The following SV2B variants were observed in gnomAD, a reference collection of about 807,000 sequenced individuals.
SV2B encodes the protein solute carrier family 22 member B2.
In SV2B, 41 loss-of-function variants were observed where a neutral mutation model predicts 73.9. The ratio of observed to expected loss-of-function variants is 0.56; its 90% CI spans 0.43 to 0.72. The LOEUF is 0.72. Ranked by LOEUF, SV2B falls within the 30% of genes least tolerant of loss-of-function variation. SV2B has a pLI of 0.00. For missense variants in SV2B, 764 were observed against 857.8 expected (o/e 0.89, Z 1.37); for synonymous variants, 314 against 314.2 (o/e 1.00, Z 0.01).
chr15:91,169,829 G>T (rs917171794), intron 1 of SV2B, among the ~76,000 whole-genome samples: 5 of 152,184 alleles, frequency 3.3e-5, no homozygotes, highest in Non-Finnish European at 5.9e-5. Context: ...CAGTTGAGCT[G>T]AGATATGAGA....
intron 4 of SV2B, among the ~76,000 whole-genome samples, chr15:91,254,498 A>G (rs1442817901): frequency 6.6e-6 from 1 of 152,080 alleles, no homozygotes; most frequent in Non-Finnish European, 1.5e-5. Flanking sequence ...CAGCTTCCCA[A>G]AGTGCTGGGA....
intron 1 of SV2B, among the ~76,000 whole-genome samples, chr15:91,181,083 C>T (rs1392453586): frequency 6.6e-6 from 1 of 152,098 alleles, no homozygotes; most frequent in African/African-American, 2.4e-5. Flanking sequence ...TGTGGATGTC[C>T]TTTCTGTTTG....
At position 91,301,077 on chromosome 15, in the gene SV2B, T is replaced by TCACATAGGAC. The variant is rs2049429187; in HGVS notation, c.*8526_*8527insACATAGGACC. 1 of 152,180 alleles carries TCACATAGGAC rather than the reference T, an allele frequency of 6.6e-6. No homozygotes were observed. Among genetic ancestry groups the TCACATAGGAC allele is most frequent in the African/African-American group, 2.4e-5 (1 of 41,424 alleles). The allele number at this position is 152,180 out of a possible 1,614,324, so 9.4% of individuals were successfully genotyped here. ...CATGTCACATTGACCAGTCCTGTGGTCCTATGGCTAAGCGGAGGACACGGC... is the reference window on the plus strand; with the variant it reads ...CATGTCACATTGACCAGTCCTGTGGTCACATAGGACCCTATGGCTAAGCGGAGGACACGGC... On this transcript the variant is annotated 3_prime_UTR_variant, in exon 13 of 13. Transcript: ENST00000394232. The surrounding 1 kb of genome is among the most constrained non-coding windows in gnomAD (Gnocchi z 4.3).
chr15:91,183,796 A>G (rs917708235), intron 1 of SV2B, among the ~76,000 whole-genome samples: 2 of 152,248 alleles, frequency 1.3e-5, no homozygotes, highest in Non-Finnish European at 2.9e-5. Context: ...TTCACTTGTG[A>G]TTAGCAGGAA....
rs2042610691 is a variant in SV2B at position 91,130,565 on chromosome 15, G to T, written c.-392+30202G>T. Among the ~76,000 whole-genome samples, 1 of 152,134 alleles carries T rather than the reference G, an allele frequency of 6.6e-6. No homozygotes were observed. Among genetic ancestry groups the T allele is most frequent in the Non-Finnish European group, 1.5e-5 (1 of 68,028 alleles). On this transcript the variant is annotated intron_variant, in intron 1 of 12. Transcript: ENST00000394232. This position sits in a 1 kb window ranked among gnomAD's most constrained non-coding sequence, Gnocchi z 5.6. ...GAAGGAGAAGAGTCAGGAGAAAGCT[G>T]GTGTCAGAGATTCCAAAGCAGGAGG...
chr15:91,135,373 A>T (rs2042788958), intron 1 of SV2B, among the ~76,000 whole-genome samples: 2 of 152,178 alleles, frequency 1.3e-5, no homozygotes, highest in Non-Finnish European at 2.9e-5. Flanking sequence ...GCTTCACCTC[A>T]GATTCTCCCG....
In SV2B at chr15:91,106,376, C is replaced by T. The variant is rs1363160856; in HGVS notation, c.-392+6013C>T. Among the ~76,000 whole-genome samples the T allele has an allele frequency of 6.6e-6, 1 of 152,164 alleles. No individual in the cohort carries two copies. The highest frequency in any genetic ancestry group is 1.5e-5 in the Non-Finnish European group (1 of 68,036). On this transcript the variant is annotated intron_variant, in intron 1 of 12. Transcript: ENST00000394232. The surrounding 1 kb of genome is among the most constrained non-coding windows in gnomAD (Gnocchi z 4.4). ...CCAAGTCACTGCTGTATCACTAGTG[C>T]CCAGAATATTGTCTGGCACATTGTA...
intron 1 of SV2B, among the ~76,000 whole-genome samples, chr15:91,191,993 T>C (rs1378357996): frequency 6.6e-6 from 1 of 152,092 alleles, no homozygotes; most frequent in Non-Finnish European, 1.5e-5. Context: ...GCGGTTACCC[T>C]TAGATTCCAG....
In SV2B at chr15:91,252,667, C is replaced by T; in HGVS notation, c.784+147C>T. ...TCTTTCTTAACAACTTCTAACATTG[C>T]AGACACATTGTTAATTTCAATTCAA... On this transcript the variant is annotated intron_variant, in intron 4 of 12. Coordinates refer to ENST00000394232, the MANE Select transcript of SV2B (RefSeq NM_001323032.3). This position sits in a 1 kb window ranked among gnomAD's most constrained non-coding sequence, Gnocchi z 4.6. 1.2e-6 allele frequency: 1 copy of T among 836,474 alleles called. No homozygotes were observed. The highest frequency in any genetic ancestry group is 5.4e-5 in the South Asian group (1 of 18,492). The allele number at this position is 836,474 out of a possible 1,614,324, so 51.8% of individuals were successfully genotyped here.
In SV2B at chr15:91,241,657, G is replaced by A. The variant is rs935537871; in HGVS notation, c.452-10162G>A. 3.3e-5 allele frequency among the ~76,000 whole-genome samples: 5 copies of A among 152,100 alleles called. No individual in the cohort carries two copies. Among genetic ancestry groups the A allele is most frequent in the African/African-American group, 9.7e-5 (4 of 41,396 alleles). The stretch of plus-strand genomic sequence containing the variant: ...CCCTGTTATCACACCTACCTTCCTC[G>A]CTGCCTCTGTGCTGACCCCGTATTC... On this transcript the variant is annotated intron_variant, in intron 2 of 12. Coordinates refer to ENST00000394232, the MANE Select transcript of SV2B (RefSeq NM_001323032.3). This position sits in a 1 kb window ranked among gnomAD's most constrained non-coding sequence, Gnocchi z 4.8.
rs1266200831 is a variant in SV2B, at chr15:91,235,503, C to G, written c.451+8789C>G. 2.0e-5 allele frequency among the ~76,000 whole-genome samples: 3 copies of G among 152,220 alleles called. No homozygotes were observed. In the East Asian group the frequency reaches 5.8e-4, roughly 29 times the overall value. ...TAGCCAGCCAACCAAAAAGCAAGCT[C>G]CGTACTCTCAAGATTAAGAGCAATT... On this transcript the variant is annotated intron_variant, in intron 2 of 12. Coordinates refer to ENST00000394232, the MANE Select transcript of SV2B (RefSeq NM_001323032.3).
chr15:91,153,804 A>AGGGCAG (rs147212870), intron 1 of SV2B, among the ~76,000 whole-genome samples: 16 of 151,138 alleles, frequency 1.1e-4, no homozygotes, highest in East Asian at 7.7e-4. Flanking sequence ...GAATTATGTG[A>AGGGCAG]GGGCAGGGGC....
At position 91,214,154 on chromosome 15, in the gene SV2B, G is replaced by A. The variant is rs1005662521; in HGVS notation, c.-391-11719G>A. On this transcript the variant is annotated intron_variant, in intron 1 of 12. Transcript: ENST00000394232. The surrounding 1 kb of genome is among the most constrained non-coding windows in gnomAD (Gnocchi z 4.7). ...GGACCGGTTCCGGATCTCTAGAGGA[G>A]GGAGCTGGCATGGACTGGTGGAGTG... Among the ~76,000 whole-genome samples, 2 of 152,192 alleles carry A rather than the reference G, an allele frequency of 1.3e-5. No individual in the cohort carries two copies. Among genetic ancestry groups the A allele is most frequent in the African/African-American group, 4.8e-5 (2 of 41,440 alleles).
In SV2B at chr15:91,294,294, C is replaced by A. The variant is rs1335555501; in HGVS notation, c.*1742C>A. The A allele has an allele frequency of 6.6e-6, 1 of 152,168 alleles. No homozygotes were observed. The highest frequency in any genetic ancestry group is 2.4e-5 in the African/African-American group (1 of 41,432). The allele number at this position is 152,168 out of a possible 1,614,324, so 9.4% of individuals were successfully genotyped here. On this transcript the variant is annotated 3_prime_UTR_variant, in exon 13 of 13. Coordinates refer to ENST00000394232, the MANE Select transcript of SV2B (RefSeq NM_001323032.3). This position sits in a 1 kb window ranked among gnomAD's most constrained non-coding sequence, Gnocchi z 4.1. ...AATTAACGGGTTGGTAGGGGTAAAT[C>A]TTATGACACCTTTCCACCGTCGATT...
chr15:91,255,155 CACTT>C (rs1167125081), intron 4 of SV2B, among the ~76,000 whole-genome samples: 6 of 152,152 alleles, frequency 3.9e-5, no homozygotes, highest in African/African-American at 1.2e-4. Flanking sequence ...CAAACACACA[CACTT>C]ACACAGACAC....
At chr15:91,176,716 T>G (rs2044322797) in intron 1 of SV2B, among the ~76,000 whole-genome samples, 1 of 151,836 alleles carries the variant, frequency 6.6e-6, no homozygotes, top group Non-Finnish European at 1.5e-5. Flanking sequence ...TTCATATCCT[T>G]TGCCCACTTT....
rs1421989053 is a variant in SV2B at position 91,245,896 on chromosome 15, AATATG to A, written c.452-5920_452-5916del. Among the ~76,000 whole-genome samples, 1 of 152,284 alleles carries A rather than the reference AATATG, an allele frequency of 6.6e-6. No individual in the cohort carries two copies. The highest frequency in any genetic ancestry group is 2.4e-5 in the African/African-American group (1 of 41,558). ...AAAGGGTTGTAAATTTAGGAATAAT[AATATG>A]ATGTGACAGAGACCATAGAAGATTG... On this transcript the variant is annotated intron_variant, in intron 2 of 12. Transcript: ENST00000394232. The surrounding 1 kb of genome is among the most constrained non-coding windows in gnomAD (Gnocchi z 4.2).
At position 91,259,445 on chromosome 15, in the gene SV2B, A is replaced by G. The variant is rs896903393; in HGVS notation, c.919-875A>G. Among the ~76,000 whole-genome samples, 4 of 152,152 alleles carry G rather than the reference A, an allele frequency of 2.6e-5. No homozygotes were observed. The South Asian group carries it at 6.2e-4, about 24-fold the overall frequency. On this transcript the variant is annotated intron_variant, in intron 5 of 12. Transcript: ENST00000394232. ...TGTGCAGAGTGATCCTCCATGTCCA[A>G]TGTCCGTGTTCACCCCTTTGATCAG...
In SV2B at chr15:91,280,343, C is replaced by A. The variant is rs966091988; in HGVS notation, c.1374-1385C>A. ...CATCAGCACCCTGTGCTATCTCTGT[C>A]ATGCCGATTTCCACTGTATTGTAGT... On this transcript the variant is annotated intron_variant, in intron 9 of 12. Transcript: ENST00000394232. The surrounding 1 kb of genome is among the most constrained non-coding windows in gnomAD (Gnocchi z 5.8). 6.6e-6 allele frequency among the ~76,000 whole-genome samples: 1 copy of A among 152,220 alleles called. No individual in the cohort carries two copies. Among genetic ancestry groups the A allele is most frequent in the Non-Finnish European group, 1.5e-5 (1 of 68,032 alleles).
Sources: allele counts gnomAD v4.1 joint callset (sites outside exome capture counted in the v4.1 genomes callset), GRCh38; gene constraint gnomAD v4.1.1; non-coding constraint Gnocchi (gnomAD v3.1); transcripts MANE v1.5; gene names NCBI Gene and HGNC (gene_info 2026-07-23, HGNC 2026-07-21).